ARSL: variants seen among roughly 807,000 people sequenced by gnomAD.
ARSL encodes the protein arylsulfatase L.
Under a neutral mutation model 31.1 loss-of-function variants are expected in ARSL, and 4 were observed. That is an observed-to-expected ratio of 0.13 (90% CI 0.06 to 0.29). The LOEUF is 0.29. Ranked by LOEUF, ARSL falls within the 10% of genes least tolerant of loss-of-function variation. ARSL has a pLI of 1.00. For missense variants in ARSL, 312 were observed against 497.8 expected, an observed-to-expected ratio of 0.63 and a Z score of 3.55; for synonymous variants, 198 against 209.9, an observed-to-expected ratio of 0.94 and a Z score of 0.49.
At position 2,936,175 on chromosome X, in the gene ARSL, A is replaced by T. The variant is rs374892780; in HGVS notation, c.1411+567T>A. Among the ~76,000 whole-genome samples the T allele has an allele frequency of 2.8e-4, 31 of 110,628 alleles. No individual in the cohort carries two copies. In the East Asian group the frequency reaches 4.3e-3, roughly 15 times the overall value. ...ATGGTGAAACCCCATCTCTACTAAA[A>T]ATACAAGAAATTAGCCAGGTGTAGT... On this transcript the variant is annotated intron_variant, in intron 10 of 10. Transcript: ENST00000381134.
intron 2 of ARSL, chrX:2,959,574 C>G: frequency 1.8e-6 from 2 of 1,133,436 alleles, no homozygotes; most frequent in Admixed American, 2.9e-5. Flanking sequence ...AAACCAGACA[C>G]CTGGCCGATG....
At chrX:2,957,151 A>T (rs2089536073) in intron 3 of ARSL, among the ~76,000 whole-genome samples, 1 of 106,732 alleles carries the variant, frequency 9.4e-6, no homozygotes, top group Non-Finnish European at 1.9e-5. Flanking sequence ...GACCCGGGAG[A>T]CGGAGCTGGC....
At chrX:2,965,358 A>C (rs1348580231), upstream of ARSL, among the ~76,000 whole-genome samples, 1 of 107,763 alleles carries the variant, frequency 9.3e-6, no homozygotes, top group East Asian at 3.0e-4. Flanking sequence ...AAAATTAGCC[A>C]GGCATGGTGT....
intron 7 of ARSL, among the ~76,000 whole-genome samples, chrX:2,943,736 G>C (rs961997476): frequency 1.6e-5 from 1 of 64,104 alleles, no homozygotes; most frequent in African/African-American, 7.3e-5. Context: ...AGTGAGACTC[G>C]GTCTCAAAAA....
chrX:2,968,070 C>T, upstream of ARSL: 1 of 1,096,472 alleles, frequency 9.1e-7, no homozygotes, highest in East Asian at 3.3e-5. Context: ...CGCAGTTTAG[C>T]ATAAAAGAAT....
intron 2 of ARSL, chrX:2,959,717 G>A (rs1363623208): frequency 1.7e-6 from 2 of 1,144,088 alleles, no homozygotes. Context: ...TTCTCCAGAT[G>A]CAGGATAAAT....
chrX:2,957,811 GA>G (rs1287443157), intron 3 of ARSL, among the ~76,000 whole-genome samples: 2 of 110,034 alleles, frequency 1.8e-5, no homozygotes, highest in Admixed American at 9.8e-5. Context: ...CTTGAGCCCA[GA>G]AGTTCGAGAC....
chrX:2,947,110 G>A (rs1370181647), intron 6 of ARSL, among the ~76,000 whole-genome samples: 1 of 110,611 alleles, frequency 9.0e-6, no homozygotes, highest in Non-Finnish European at 1.9e-5. Flanking sequence ...CTTGACCCTG[G>A]GAGGAGGAGG....
rs17325750 is a variant in ARSL at position 2,949,372 on chromosome X, C to T, written c.786G>A (p.Thr262=). The T allele has an allele frequency of 0.073, 88,170 of 1,208,970 alleles. 2,596 individuals carry two copies. Among genetic ancestry groups the T allele is most frequent in the Admixed American group, 0.15 (7,019 of 45,484 alleles). ...DCFLMRNHTI[T]EQPMCFQRTT... ...TTCTTTGGAAGCACATGGGCTGCTC[C>T]GTGATGGTGTGGTTTCTCATCAGAA... The change falls in exon 6 of 11, where the codon ACG becomes ACA. Residue 262 remains threonine, a synonymous_variant. Transcript: ENST00000381134.
chrX:2,960,151 C>T (rs1315747041), intron 2 of ARSL, among the ~76,000 whole-genome samples: 1 of 84,867 alleles, frequency 1.2e-5, no homozygotes, highest in African/African-American at 4.3e-5. Flanking sequence ...CGCCTGTAGT[C>T]CCAGCTACTC....
intron 2 of ARSL, among the ~76,000 whole-genome samples, chrX:2,958,758 G>A (rs547419281): frequency 9.0e-6 from 1 of 111,391 alleles, no homozygotes; most frequent in African/African-American, 3.3e-5. Flanking sequence ...AGGCTGCAGC[G>A]GGTGGATTGC....
chrX:2,959,689 C>T, intron 2 of ARSL: 1 of 1,151,261 alleles, frequency 8.7e-7, no homozygotes, highest in Non-Finnish European at 1.1e-6. Flanking sequence ...ATCTATTAAT[C>T]ACGGGTCTCA....
intron 1 of ARSL, among the ~76,000 whole-genome samples, chrX:2,960,756 G>T (rs1033252899): frequency 9.0e-6 from 1 of 111,358 alleles, no homozygotes; most frequent in Non-Finnish European, 1.9e-5. Context: ...GAGAATCCCA[G>T]TGTCCGGAAG....
At chrX:2,941,227 A>C (rs939920791) in intron 8 of ARSL, among the ~76,000 whole-genome samples, 1 of 102,947 alleles carries the variant, frequency 9.7e-6, no homozygotes, top group African/African-American at 3.5e-5. Context: ...TCTGCAAATA[A>C]GAACTTGGGT....
chrX:2,942,319 ACTCT>A (rs1024328799), intron 8 of ARSL, among the ~76,000 whole-genome samples: 2 of 109,225 alleles, frequency 1.8e-5, no homozygotes, highest in African/African-American at 3.3e-5. Context: ...TGAGATGGAG[ACTCT>A]CTCTATTGCT....
chrX:2,937,939 C>A (rs916397684), intron 9 of ARSL, among the ~76,000 whole-genome samples, 156 bp downstream of exon 9: 1 of 112,159 alleles, frequency 8.9e-6, no homozygotes, highest in Non-Finnish European at 1.9e-5. Context: ...ATTTGCATCT[C>A]GTTATTGGGC....
At chrX:2,960,220 G>C (rs1272716560) in intron 2 of ARSL, among the ~76,000 whole-genome samples, 158 bp downstream of exon 2, 2 of 65,823 alleles carry the variant, frequency 3.0e-5, no homozygotes, top group Non-Finnish European at 5.5e-5. Flanking sequence ...AGTGAGCCGA[G>C]ATCGCGCCAC....
At chrX:2,940,080 C>T (rs1372706473) in intron 8 of ARSL, among the ~76,000 whole-genome samples, 1 of 108,834 alleles carries the variant, frequency 9.2e-6, no homozygotes, top group Non-Finnish European at 1.9e-5. Context: ...GTTGGCCAGG[C>T]TGGTCTCAAA....
At chrX:2,959,829 G>GCGGATCACGAGGTC in intron 2 of ARSL, 1 of 747,504 alleles carries the variant, frequency 1.3e-6, no homozygotes, top group Non-Finnish European at 1.8e-6. Flanking sequence ...GCCAAGGTGG[G>GCGGATCACGAGGTC]AGCATTGCCT....
Sources: allele counts gnomAD v4.1 joint callset (sites outside exome capture counted in the v4.1 genomes callset), GRCh38; gene constraint gnomAD v4.1.1; transcripts MANE v1.5; gene names NCBI Gene and HGNC (gene_info 2026-07-23, HGNC 2026-07-21).